Variants in PTPRR observed in about 807,000 individuals in gnomAD.
PTPRR encodes protein tyrosine phosphatase receptor type R.
Under a neutral mutation model 77.2 loss-of-function variants are expected in PTPRR, and 38 were observed. The ratio of observed to expected loss-of-function variants is 0.49; its 90% CI spans 0.38 to 0.65. The LOEUF (loss-of-function observed/expected upper bound fraction) is 0.65. PTPRR is among the 30% of genes least tolerant of loss of function. PTPRR has a pLI of 0.00. For missense variants in PTPRR, 744 were observed against 799.2 expected (o/e 0.93, Z 0.83); for synonymous variants, 299 against 283.1 (o/e 1.06, Z -0.57).
intron 2 of PTPRR, among the ~76,000 whole-genome samples, chr12:70,850,759 A>T (rs1892559385): frequency 6.6e-6 from 1 of 152,204 alleles, no homozygotes; most frequent in African/African-American, 2.4e-5. Flanking sequence ...CATTTTACTC[A>T]GTGCCAGGCC....
At chr12:70,721,215 C>T (rs1362570277) in intron 6 of PTPRR, among the ~76,000 whole-genome samples, 4 of 151,994 alleles carry the variant, frequency 2.6e-5, no homozygotes, top group East Asian at 1.9e-4. Context: ...AGAAATATAC[C>T]GAGGAGTTAG....
intron 10 of PTPRR, among the ~76,000 whole-genome samples, chr12:70,677,963 T>C (rs1887508784): frequency 6.6e-6 from 1 of 152,160 alleles, no homozygotes; most frequent in Non-Finnish European, 1.5e-5. Context: ...TCTTGAATAG[T>C]TTGAGGAGAA....
intron 2 of PTPRR, among the ~76,000 whole-genome samples, chr12:70,765,459 G>C (rs924290688): frequency 6.6e-6 from 1 of 152,188 alleles, no homozygotes; most frequent in Non-Finnish European, 1.5e-5. Flanking sequence ...GGCTGGGGGA[G>C]GGGTGCCCGC....
At chr12:70,789,034 G>C (rs1891379178) in intron 2 of PTPRR, 2 of 525,466 alleles carry the variant, frequency 3.8e-6, no homozygotes, top group Non-Finnish European at 6.3e-6. Context: ...GCTTTCCCAA[G>C]AGATATCCCA....
At chr12:70,816,083 G>A (rs150508515) in intron 2 of PTPRR, among the ~76,000 whole-genome samples, 2 of 152,134 alleles carry the variant, frequency 1.3e-5, no homozygotes, top group East Asian at 3.9e-4. Context: ...CATTGTTTAC[G>A]GTAAAAATAG....
chr12:70,872,818 T>A (rs1489149659), intron 2 of PTPRR, among the ~76,000 whole-genome samples: 1 of 151,704 alleles, frequency 6.6e-6, no homozygotes, highest in Non-Finnish European at 1.5e-5. Context: ...AGCCTATTCA[T>A]AGACAGTAAC....
chr12:70,752,321 C>T (rs1373361228), intron 5 of PTPRR, among the ~76,000 whole-genome samples: 3 of 152,158 alleles, frequency 2.0e-5, no homozygotes, highest in Non-Finnish European at 4.4e-5. Flanking sequence ...ATGCTCCTTT[C>T]TTGATTTGTT....
At chr12:70,826,910 C>T (rs528912227) in intron 2 of PTPRR, among the ~76,000 whole-genome samples, 1 of 152,302 alleles carries the variant, frequency 6.6e-6, no homozygotes, top group South Asian at 2.1e-4. Context: ...TGCTTTCTGT[C>T]CTGTGAACAT....
intron 2 of PTPRR, among the ~76,000 whole-genome samples, chr12:70,889,106 T>C (rs936819326): frequency 6.6e-6 from 1 of 152,210 alleles, no homozygotes; most frequent in African/African-American, 2.4e-5. Flanking sequence ...GGATTTGTCA[T>C]CACTTACAAC....
intron 2 of PTPRR, among the ~76,000 whole-genome samples, chr12:70,766,235 A>T (rs746656228): frequency 2.6e-5 from 4 of 152,228 alleles, no homozygotes; most frequent in Admixed American, 6.5e-5. Context: ...GAGGAAATTC[A>T]AACCAAAGGC....
chr12:70,665,692 A>C (rs921291110), intron 10 of PTPRR, among the ~76,000 whole-genome samples: 5 of 151,152 alleles, frequency 3.3e-5, no homozygotes, highest in African/African-American at 9.7e-5. Context: ...GCCAGCTCAT[A>C]TTTTTGTGAT....
intron 2 of PTPRR, among the ~76,000 whole-genome samples, chr12:70,861,300 T>C (rs1410685391): frequency 6.6e-6 from 1 of 152,152 alleles, no homozygotes; most frequent in Non-Finnish European, 1.5e-5. Flanking sequence ...GGGCATCTGT[T>C]AATGTAATGG....
At position 70,662,562 on chromosome 12, in the gene PTPRR, T is replaced by C; in HGVS notation, c.1541A>G (p.Lys514Arg). ...YWPEKRGIYG[K>R]VEVLVISVNE... ...TACACTGATAACCAGAACCTCAACTTTTCCATATATCCCTCTCTTTTCCGG... is the reference window on the plus strand; with the variant it reads ...TACACTGATAACCAGAACCTCAACTCTTCCATATATCCCTCTCTTTTCCGG... Residue 514 changes from lysine (K) to arginine (R), a missense_variant, in exon 11 of 14, where the codon AAA becomes AGA. Coordinates refer to ENST00000283228, the MANE Select transcript of PTPRR (RefSeq NM_002849.4). 6.2e-7 allele frequency: 1 copy of C among 1,612,648 alleles called. No homozygotes were observed. The highest frequency in any genetic ancestry group is 1.1e-5 in the South Asian group (1 of 91,056).
At chr12:70,884,123 G>C (rs1396698312) in intron 2 of PTPRR, among the ~76,000 whole-genome samples, 1 of 152,068 alleles carries the variant, frequency 6.6e-6, no homozygotes, top group African/African-American at 2.4e-5. Context: ...AACCTTCTAG[G>C]GACTTTTAGC....
At chr12:70,761,694 G>C in intron 3 of PTPRR, 68 bp from the exon 4 acceptor site, 1 of 1,250,888 alleles carries the variant, frequency 8.0e-7, no homozygotes, top group Non-Finnish European at 1.1e-6. Context: ...ATTTTTACCT[G>C]TCCTTTAGAA....
rs150892633 is a variant in PTPRR, at chr12:70,864,810, T to A, written c.357+27869A>T. On this transcript the variant is annotated intron_variant, in intron 2 of 13. Coordinates refer to ENST00000283228, the MANE Select transcript of PTPRR (RefSeq NM_002849.4). ...TAAGTCTCACAAGATCCGATGATTT[T>A]GTTGCTGTTGTTGTTTTTGAGATGG... 4.6e-5 allele frequency among the ~76,000 whole-genome samples: 7 copies of A among 152,294 alleles called. No homozygotes were observed. The East Asian group carries it at 1.4e-3, about 29-fold the overall frequency.
intron 8 of PTPRR, among the ~76,000 whole-genome samples, chr12:70,692,358 G>A (rs1888085194): frequency 1.3e-5 from 2 of 152,170 alleles, no homozygotes; most frequent in South Asian, 4.1e-4. Context: ...AAAAAATGTA[G>A]CCTCTAGCTT....
chr12:70,889,688 C>T (rs540824016), intron 2 of PTPRR, among the ~76,000 whole-genome samples: 1 of 152,110 alleles, frequency 6.6e-6, no homozygotes, highest in African/African-American at 2.4e-5. Context: ...ATGCTTCCTG[C>T]TTCCCTAAAA....
intron 5 of PTPRR, among the ~76,000 whole-genome samples, chr12:70,751,997 C>A (rs1197386621): frequency 2.0e-5 from 3 of 152,172 alleles, no homozygotes; most frequent in African/African-American, 7.2e-5. Flanking sequence ...CCTACCTAAT[C>A]GTTCCCTTTC....
Sources: allele counts gnomAD v4.1 joint callset (sites outside exome capture counted in the v4.1 genomes callset), GRCh38; gene constraint gnomAD v4.1.1; transcripts MANE v1.5; gene names NCBI Gene and HGNC (gene_info 2026-07-23, HGNC 2026-07-21).